Variants in CCBE1 observed in about 807,000 individuals in gnomAD.
CCBE1 encodes the protein collagen and calcium-binding EGF domain-containing protein 1.
A neutral mutation model predicts 50.0 loss-of-function variants in CCBE1; 37 were observed. That is an observed-to-expected ratio of 0.74 (90% confidence interval 0.57 to 0.97). The LOEUF is 0.97. Ranked by LOEUF, CCBE1 falls within the 50% of genes least tolerant of loss-of-function variation. CCBE1 has a pLI of 0.00. For synonymous variants in CCBE1, 234 were observed against 203.7 expected, an observed-to-expected ratio of 1.15 and a Z score of -1.27; for missense variants, 538 against 523.8, an observed-to-expected ratio of 1.03 and a Z score of -0.26.
intron 2 of CCBE1, among the ~76,000 whole-genome samples, chr18:59,505,378 A>C (rs1044950303): frequency 6.6e-6 from 1 of 152,232 alleles, no homozygotes; most frequent in Non-Finnish European, 1.5e-5. Flanking sequence ...AATGTTCATC[A>C]TGATAAAGTT....
intron 2 of CCBE1, among the ~76,000 whole-genome samples, chr18:59,510,426 CTTT>C (rs35277466): frequency 1.6e-4 from 24 of 147,400 alleles, no homozygotes; most frequent in Admixed American, 5.4e-4. Context: ...GCAAATTGAA[CTTT>C]TTTTTTTTTG....
chr18:59,690,932 T>G (rs910422639), intron 2 of CCBE1, among the ~76,000 whole-genome samples: 1 of 152,218 alleles, frequency 6.6e-6, no homozygotes, highest in Admixed American at 6.5e-5. Context: ...AGGAGTTAGC[T>G]ATAGCTGCCA....
Position 59,439,395 on chromosome 18 carries a change from A to C in CCBE1, c.951+148T>G, listed in dbSNP as rs184937827. On this transcript the variant is annotated intron_variant, in intron 9 of 10. Coordinates refer to ENST00000439986, the MANE Select transcript of CCBE1 (RefSeq NM_133459.4). ...CGGGAGAATTGGGCTTGAGCCAGAG[A>C]GGCAGAGGCTGTAATGAGCCAAGAT... The C allele has an allele frequency of 7.3e-4, 708 of 969,546 alleles. 10 individuals are homozygous for C. The East Asian group carries it at 0.017, about 23-fold the overall frequency. The allele number at this position is 969,546 out of a possible 1,614,324, so 60.1% of individuals were successfully genotyped here. A position where few individuals can be genotyped will look rare whatever the true frequency, so the allele number is the denominator to read the frequency against.
At chr18:59,677,005 C>T (rs1338843852) in intron 2 of CCBE1, among the ~76,000 whole-genome samples, 1 of 152,148 alleles carries the variant, frequency 6.6e-6, no homozygotes, top group Non-Finnish European at 1.5e-5. Flanking sequence ...GGGGCCGGGC[C>T]TCACAGCCCA....
intron 2 of CCBE1, among the ~76,000 whole-genome samples, chr18:59,626,571 T>G (rs1182411199): frequency 6.6e-6 from 1 of 152,244 alleles, no homozygotes; most frequent in Non-Finnish European, 1.5e-5. Context: ...TGTTAGCTCA[T>G]TTACCTCATT....
intron 2 of CCBE1, among the ~76,000 whole-genome samples, chr18:59,570,946 C>T (rs1189852686): frequency 1.3e-5 from 2 of 152,144 alleles, no homozygotes; most frequent in Non-Finnish European, 2.9e-5. Flanking sequence ...AAAGCTGGTC[C>T]TTCAGCTGGG....
chr18:59,576,046 T>C (rs1369919960), intron 2 of CCBE1, among the ~76,000 whole-genome samples: 1 of 152,260 alleles, frequency 6.6e-6, no homozygotes, highest in Non-Finnish European at 1.5e-5. Flanking sequence ...TTGGCCTTTT[T>C]CACTTGGCAT....
At chr18:59,674,541 C>T (rs1038565694) in intron 2 of CCBE1, among the ~76,000 whole-genome samples, 1 of 152,094 alleles carries the variant, frequency 6.6e-6, no homozygotes, top group Admixed American at 6.6e-5. Flanking sequence ...ATGGATGCAG[C>T]AAACCACCAT....
chr18:59,697,367 A>G lies in CCBE1; in HGVS notation c.-25T>C. ...TCAGGGAAGCTCCCGGCTTCTTCCCAGCGCCGAGCTCCGTCCGGACCAAGC... is the reference window on the plus strand; with the variant it reads ...TCAGGGAAGCTCCCGGCTTCTTCCCGGCGCCGAGCTCCGTCCGGACCAAGC... On this transcript the variant is annotated 5_prime_UTR_variant, in exon 1 of 11. Coordinates refer to ENST00000439986, the MANE Select transcript of CCBE1 (RefSeq NM_133459.4). The G allele has an allele frequency of 1.9e-6, 3 of 1,542,658 alleles. No individual in the cohort carries two copies. The highest frequency in any genetic ancestry group is 2.6e-6 in the Non-Finnish European group (3 of 1,146,014).
chr18:59,481,095 T>C (rs979781480), intron 2 of CCBE1, among the ~76,000 whole-genome samples: 2 of 152,148 alleles, frequency 1.3e-5, no homozygotes, highest in Non-Finnish European at 2.9e-5. Context: ...TAAAGGAAAA[T>C]ATACCTGCAA....
intron 2 of CCBE1, among the ~76,000 whole-genome samples, chr18:59,615,738 C>A (rs754888598): frequency 6.6e-6 from 1 of 152,104 alleles, no homozygotes; most frequent in Non-Finnish European, 1.5e-5. Flanking sequence ...ACTAATCCCC[C>A]CTACTCCCAG....
chr18:59,433,285 G>A lies in CCBE1; in HGVS notation c.*2623C>T, dbSNP rs1344433221. 2.0e-5 allele frequency: 3 copies of A among 151,480 alleles called. No individual in the cohort carries two copies. The highest frequency in any genetic ancestry group is 4.9e-5 in the African/African-American group (2 of 41,218). The allele number at this position is 151,480 out of a possible 1,614,324, so 9.4% of individuals were successfully genotyped here. On this transcript the variant is annotated 3_prime_UTR_variant, in exon 11 of 11. Coordinates refer to ENST00000439986, the MANE Select transcript of CCBE1 (RefSeq NM_133459.4). ...ATAAAACTTATTTTTTTTTTTTTAG[G>A]GATGGGGTCTTGCTATGTTGCCCAG...
intron 2 of CCBE1, among the ~76,000 whole-genome samples, chr18:59,489,154 A>G (rs1568167236): frequency 6.6e-6 from 1 of 152,244 alleles, no homozygotes; most frequent in Admixed American, 6.5e-5. Context: ...ATCCATCTCA[A>G]TGATTAAAGG....
At chr18:59,479,602 A>G (rs1912469587) in intron 3 of CCBE1, among the ~76,000 whole-genome samples, 1 of 152,258 alleles carries the variant, frequency 6.6e-6, no homozygotes, top group South Asian at 2.1e-4. Flanking sequence ...TTAGAAAGTA[A>G]CCTGAACTTG....
intron 2 of CCBE1, among the ~76,000 whole-genome samples, chr18:59,541,056 T>A (rs1170359639): frequency 6.6e-6 from 1 of 152,216 alleles, no homozygotes; most frequent in Non-Finnish European, 1.5e-5. Context: ...ATTTAAGCTG[T>A]CTGAGATTGT....
At chr18:59,548,511 C>CA (rs1379656137) in intron 2 of CCBE1, among the ~76,000 whole-genome samples, 8 of 152,138 alleles carry the variant, frequency 5.3e-5, no homozygotes, top group Non-Finnish European at 1.0e-4. Context: ...TGTGATCTGA[C>CA]AAGACGCAAT....
intron 3 of CCBE1, 147 bp from the exon 4 acceptor site, chr18:59,469,754 T>A: frequency 9.7e-7 from 1 of 1,031,654 alleles, no homozygotes; most frequent in Non-Finnish European, 1.5e-6. Flanking sequence ...AGGAACTCTT[T>A]AGGGCTGTGG....
chr18:59,602,997 G>C (rs2053452745), intron 2 of CCBE1, among the ~76,000 whole-genome samples: 1 of 152,178 alleles, frequency 6.6e-6, no homozygotes, highest in Admixed American at 6.5e-5. Context: ...ACCTCCGAGG[G>C]CTGTCATGGA....
At chr18:59,662,476 A>G (rs2054298453) in intron 2 of CCBE1, among the ~76,000 whole-genome samples, 1 of 152,196 alleles carries the variant, frequency 6.6e-6, no homozygotes, top group Non-Finnish European at 1.5e-5. Flanking sequence ...TCCCACCTCA[A>G]TGCCAGCACC....
Sources: gnomAD v4.1 joint callset for allele counts (sites outside exome capture counted in the v4.1 genomes callset) on GRCh38, gnomAD v4.1.1 for gene constraint, MANE v1.5 for transcripts, NCBI Gene and HGNC (gene_info 2026-07-23, HGNC 2026-07-21) for gene names.